Variants in SPATA21 observed in about 807,000 individuals in gnomAD.
SPATA21 encodes spermatogenesis associated 21.
SPATA21 carries 47 observed loss-of-function variants against 54.8 expected under a neutral mutation model. The observed-to-expected ratio is 0.86, with a 90% CI of 0.68 to 1.09. The LOEUF is 1.09. SPATA21 is among the 50% of genes least tolerant of loss of function. The pLI is 0.00. For synonymous variants in SPATA21, 245 were observed against 235.3 expected, an observed-to-expected ratio of 1.04 and a Z score of -0.38; for missense variants, 599 against 596.4, an observed-to-expected ratio of 1.00 and a Z score of -0.05.
Position 16,428,164 on chromosome 1 carries a change from A to G in SPATA21, c.34+3174T>C. 1 of 1,097,922 alleles carries G rather than the reference A, an allele frequency of 9.1e-7. No individual in the cohort carries two copies. Among genetic ancestry groups the G allele is most frequent in the Non-Finnish European group, 1.3e-6 (1 of 795,388 alleles). 68.0% of individuals were successfully genotyped at this position (1,097,922 alleles called of 1,614,324 possible). On this transcript the variant is annotated intron_variant, in intron 3 of 12. Coordinates refer to ENST00000335496, the MANE Select transcript of SPATA21 (RefSeq NM_198546.1). The surrounding 1 kb of genome is among the most constrained non-coding windows in gnomAD (Gnocchi z 4.3). ...TTGGGGAAGCTGTTGGAGAGGGGTG[A>G]GCAGGAGCTGAGAGGCAGGGATGCA...
intron 8 of SPATA21, among the ~76,000 whole-genome samples, chr1:16,404,649 C>T (rs2085569923): frequency 1.3e-5 from 2 of 152,040 alleles, no homozygotes; most frequent in South Asian, 2.1e-4. Flanking sequence ...TCCATCTCTA[C>T]AAAAAATAAA....
At chr1:16,397,865 C>T (rs917143017), downstream of SPATA21, 6 of 380,590 alleles carry the variant, frequency 1.6e-5, no homozygotes, top group Non-Finnish European at 1.8e-5. This position sits in a 1 kb window ranked among gnomAD's most constrained non-coding sequence, Gnocchi z 5.4. Flanking sequence ...GTGCCCTGCT[C>T]AGGGATGGGC....
chr1:16,399,534 G>A lies in SPATA21; in HGVS notation c.1175-13C>T. 2 of 1,609,636 alleles carry A rather than the reference G, an allele frequency of 1.2e-6. No homozygotes were observed. Among genetic ancestry groups the A allele is most frequent in the Non-Finnish European group, 1.7e-6 (2 of 1,178,262 alleles). ...TGCAGGTTGGGAGCTGGTGAAGAAG[G>A]AGGCAGAAGGAGGAATGCTTCACAG... On this transcript the variant is annotated splice_polypyrimidine_tract_variant and intron_variant, in intron 11 of 12. Coordinates refer to ENST00000335496, the MANE Select transcript of SPATA21 (RefSeq NM_198546.1).
chr1:16,422,154 A>G (rs1190788290), intron 3 of SPATA21, 183 bp from the exon 4 acceptor site: 27 of 1,456,530 alleles, frequency 1.9e-5, no homozygotes, highest in Non-Finnish European at 2.3e-5. Context: ...TGGCTGCACC[A>G]TGTCTGCCTG....
rs763009324 is a variant in SPATA21 at position 16,409,551 on chromosome 1, T to A, written c.587+50A>T. ...GGGACCTGCATCCGGGACAAGGCTCTGATCTTGGGGCCTTTCAGGAGCGGG... is the reference window on the plus strand; with the variant it reads ...GGGACCTGCATCCGGGACAAGGCTCAGATCTTGGGGCCTTTCAGGAGCGGG... On this transcript the variant is annotated intron_variant, in intron 6 of 12. Coordinates refer to ENST00000335496, the MANE Select transcript of SPATA21 (RefSeq NM_198546.1). The surrounding 1 kb of genome is among the most constrained non-coding windows in gnomAD (Gnocchi z 4.1). 18 of 1,563,338 alleles carry A rather than the reference T, an allele frequency of 1.2e-5. No homozygotes were observed. Among genetic ancestry groups the A allele is most frequent in the Non-Finnish European group, 1.6e-5 (18 of 1,155,242 alleles).
chr1:16,398,682 G>A lies in SPATA21; in HGVS notation c.*83C>T. ...TTTATTAGCTCACCAGGCCACAAAA[G>A]CAAATCCCAGCAGCAGCTCCTGCCT... On this transcript the variant is annotated 3_prime_UTR_variant, in exon 13 of 13. Transcript: ENST00000335496. 3 of 1,517,908 alleles carry A rather than the reference G, an allele frequency of 2.0e-6. No homozygotes were observed. The highest frequency in any genetic ancestry group is 2.3e-5 in the South Asian group (2 of 88,008). 94.0% of individuals were successfully genotyped at this position (1,517,908 alleles called of 1,614,324 possible). A position where few individuals can be genotyped will look rare whatever the true frequency, so the allele number is the denominator to read the frequency against.
intron 5 of SPATA21, among the ~76,000 whole-genome samples, chr1:16,411,641 T>C (rs2085847951): frequency 6.6e-6 from 1 of 151,792 alleles, no homozygotes; most frequent in Non-Finnish European, 1.5e-5. Flanking sequence ...ATACAAAAAA[T>C]TCGCCGGGTG....
chr1:16,409,711 G>A lies in SPATA21; in HGVS notation c.477C>T (p.Pro159=), dbSNP rs1299424631. 1.6e-5 allele frequency: 25 copies of A among 1,612,480 alleles called. No homozygotes were observed. The highest frequency in any genetic ancestry group is 1.9e-5 in the Non-Finnish European group (23 of 1,179,808). Residue 159 remains proline (P), a synonymous_variant, in exon 6 of 13, where the codon CCC becomes CCT. Transcript: ENST00000335496. The surrounding 1 kb of genome is among the most constrained non-coding windows in gnomAD (Gnocchi z 4.1). Reference sequence around the variant, plus strand: ...GCAGGACAGGGCAAGGCATGGAGGTGGGGACCGGGGCTCCCATGGGGGCAG... The same window carrying A: ...GCAGGACAGGGCAAGGCATGGAGGTAGGGACCGGGGCTCCCATGGGGGCAG... ...PEPAPMGAPV[P]TSMPCPVLLG...
At position 16,400,747 on chromosome 1, in the gene SPATA21, G is replaced by T. The variant is rs1475861840; in HGVS notation, c.1147C>A (p.Leu383Met). Residue 383 changes from leucine to methionine, a missense_variant, in exon 11 of 13, where the codon CTG (leucine) becomes ATG (methionine). Coordinates refer to ENST00000335496, the MANE Select transcript of SPATA21 (RefSeq NM_198546.1). The part of the protein sequence containing the change: ...EVPERKVLSI[L>M]SRLKQQNYAP... Reference sequence around the variant, plus strand: ...TAGTTCTGCTGCTTCAGCCGGCTCAGGATACTGAGGACCTTTCGTTCTGGA... The same window carrying T: ...TAGTTCTGCTGCTTCAGCCGGCTCATGATACTGAGGACCTTTCGTTCTGGA... 1.2e-6 allele frequency: 2 copies of T among 1,614,092 alleles called. No individual in the cohort carries two copies. Among genetic ancestry groups the T allele is most frequent in the Admixed American group, 3.3e-5 (2 of 60,012 alleles).
chr1:16,423,283 C>T (rs1379479933), intron 3 of SPATA21, among the ~76,000 whole-genome samples: 12 of 150,070 alleles, frequency 8.0e-5, no homozygotes, highest in African/African-American at 2.0e-4. Flanking sequence ...CGTGGTGGTA[C>T]GTGCCTGTAA....
chr1:16,400,647 A>G (rs2100773896), intron 11 of SPATA21, 73 bp downstream of exon 11: 2 of 1,524,482 alleles, frequency 1.3e-6, no homozygotes, highest in Non-Finnish European at 8.8e-7. Flanking sequence ...TGAGGGTCCA[A>G]GGAAAGGAGA....
chr1:16,404,531 A>G (rs1483822526), intron 8 of SPATA21, among the ~76,000 whole-genome samples: 1 of 152,204 alleles, frequency 6.6e-6, no homozygotes, highest in Non-Finnish European at 1.5e-5. Flanking sequence ...AAGAATTTCT[A>G]TGATGTTGGG....
Position 16,409,066 on chromosome 1 carries a change from A to G in SPATA21, c.673+52T>C. 6.3e-7 allele frequency: 1 copy of G among 1,599,124 alleles called. No individual in the cohort carries two copies. Among genetic ancestry groups the G allele is most frequent in the Non-Finnish European group, 8.6e-7 (1 of 1,167,032 alleles). Reference sequence around the variant, plus strand: ...TCCGCCCTGCGCCTATAAACCCCCAAGGACCAAGGGTCCTGCCTGTGCTGG... The same window carrying G: ...TCCGCCCTGCGCCTATAAACCCCCAGGGACCAAGGGTCCTGCCTGTGCTGG... On this transcript the variant is annotated intron_variant, in intron 7 of 12. Transcript: ENST00000335496. This position sits in a 1 kb window ranked among gnomAD's most constrained non-coding sequence, Gnocchi z 4.1.
chr1:16,406,265 A>G (rs1469052488), intron 7 of SPATA21, among the ~76,000 whole-genome samples: 2 of 152,144 alleles, frequency 1.3e-5, no homozygotes, highest in Non-Finnish European at 1.5e-5. Flanking sequence ...AGTTACAGGC[A>G]TGAGCCGCTG....
intron 8 of SPATA21, 97 bp downstream of exon 8, chr1:16,404,870 G>A: frequency 7.5e-7 from 1 of 1,335,768 alleles, no homozygotes; most frequent in Non-Finnish European, 9.9e-7. Context: ...ACCAAGCACA[G>A]GATCCTTTAG....
chr1:16,411,514 G>A (rs1467573981), intron 5 of SPATA21, among the ~76,000 whole-genome samples: 1 of 152,148 alleles, frequency 6.6e-6, no homozygotes, highest in Non-Finnish European at 1.5e-5. Context: ...AAACAGGCCA[G>A]GCAAGGTGGC....
intron 3 of SPATA21, chr1:16,422,224 G>A: frequency 7.1e-7 from 1 of 1,412,070 alleles, no homozygotes; most frequent in Non-Finnish European, 9.2e-7. Context: ...CACGGCTGGG[G>A]AGCTCCATCC....
chr1:16,435,971 G>T (rs374632028), intron 1 of SPATA21, among the ~76,000 whole-genome samples: 11 of 151,992 alleles, frequency 7.2e-5, no homozygotes, highest in Non-Finnish European at 1.6e-4. Context: ...CCCATTTATC[G>T]GCCTGGTGCG....
rs2086373899 is a variant in SPATA21 at position 16,428,351 on chromosome 1, T to C, written c.34+2987A>G. On this transcript the variant is annotated intron_variant, in intron 3 of 12. Transcript: ENST00000335496. This position sits in a 1 kb window ranked among gnomAD's most constrained non-coding sequence, Gnocchi z 4.3. ...AAGGTCCAAGAGACGCCTTCAACAA[T>C]TCCCATGCCTTCAAAACGCAGGCTC... 6.6e-6 allele frequency among the ~76,000 whole-genome samples: 1 copy of C among 152,168 alleles called. No homozygotes were observed. Among genetic ancestry groups the C allele is most frequent in the South Asian group, 2.1e-4 (1 of 4,834 alleles).
Sources: gnomAD v4.1 joint callset for allele counts (sites outside exome capture counted in the v4.1 genomes callset) on GRCh38, gnomAD v4.1.1 for gene constraint, Gnocchi (gnomAD v3.1) non-coding constraint, MANE v1.5 for transcripts, NCBI Gene and HGNC (gene_info 2026-07-23, HGNC 2026-07-21) for gene names.